NBAS: variants seen among roughly 807,000 people sequenced by gnomAD.
The protein encoded by NBAS is NBAS subunit of NRZ tethering complex, also known as NAG/BC035112 fusion.
NBAS carries 219 observed loss-of-function variants against 302.5 expected under a neutral mutation model. The ratio of observed to expected loss-of-function variants is 0.72; its 90% CI spans 0.65 to 0.81. The LOEUF (loss-of-function observed/expected upper bound fraction) is 0.81, where lower values mean the gene tolerates loss of function less well. Ranked by LOEUF, NBAS falls within the 30% of genes least tolerant of loss-of-function variation. NBAS has a pLI of 0.00. For synonymous variants in NBAS, 1,118 were observed against 1,021.6 expected, an observed-to-expected ratio of 1.09 and a Z score of -1.80; for missense variants, 2,932 against 2,841.6, an observed-to-expected ratio of 1.03 and a Z score of -0.72.
Position 15,511,278 on chromosome 2 carries a change from G to C in NBAS, c.819C>G (p.Ala273=), listed in dbSNP as rs1158648757. Reference sequence around the variant, plus strand: ...ACGGTGATCCTGAAAGAACTCTCCAGGCAGAAAGGCCACAGCTAGAAGCTT... The same window carrying C: ...ACGGTGATCCTGAAAGAACTCTCCACGCAGAAAGGCCACAGCTAGAAGCTT... ...MSKASSCGLS[A]WRVLSGSPYY... The change falls in exon 10 of 52, where the codon GCC becomes GCG. Residue 273 remains alanine, a synonymous_variant. Coordinates refer to ENST00000281513, the MANE Select transcript of NBAS (RefSeq NM_015909.4). 2 of 1,613,902 alleles carry C rather than the reference G, an allele frequency of 1.2e-6. No individual in the cohort carries two copies. The highest frequency in any genetic ancestry group is 1.3e-5 in the African/African-American group (1 of 74,902).
chr2:14,905,256 A>G, the NBAS span, among the ~76,000 whole-genome samples: 9 of 152,336 alleles, frequency 5.9e-5, no homozygotes, highest in African/African-American at 2.2e-4. Context: ...AATCAAGTTG[A>G]CATCTAATAT....
At chr2:14,787,621 C>A in the NBAS span, among the ~76,000 whole-genome samples, 31 of 152,278 alleles carry the variant, frequency 2.0e-4, 1 homozygote, top group African/African-American at 6.3e-4. Flanking sequence ...GTTGAAAATT[C>A]TTTTCTTTAT....
At chr2:14,882,751 G>A in the NBAS span, among the ~76,000 whole-genome samples, 1 of 152,196 alleles carries the variant, frequency 6.6e-6, no homozygotes, top group Admixed American at 6.5e-5. Context: ...AGAAGTTGAT[G>A]GGAAAGAGTT....
At chr2:15,014,612 T>C in the NBAS span, among the ~76,000 whole-genome samples, 2 of 151,882 alleles carry the variant, frequency 1.3e-5, no homozygotes, top group Non-Finnish European at 2.9e-5. Context: ...CGAAAACCTA[T>C]GGGACACAGC....
In NBAS at chr2:15,287,156, A is replaced by C; in HGVS notation, c.5055T>G (p.Ile1685Met). 1 of 1,613,990 alleles carries C rather than the reference A, an allele frequency of 6.2e-7. No individual in the cohort carries two copies. The change falls in exon 42 of 52, where the codon ATT becomes ATG. Residue 1685 changes from isoleucine (I) to methionine (M), a missense_variant. Physicochemically the swap from Ile to Met is conservative, Grantham distance 10 (BLOSUM62 1). Transcript: ENST00000281513. ...TGTAACGTTGTGCCAGAGAAATAGC[A>C]ATGCTGTAGACGCTTTCCTCTAGAG... is the stretch of plus-strand genomic sequence containing the variant. ...AETLEESVYSIAISLAQRYSV... is the reference protein window; with the variant it reads ...AETLEESVYSMAISLAQRYSV...
At chr2:14,975,728 A>G in the NBAS span, among the ~76,000 whole-genome samples, 6 of 152,116 alleles carry the variant, frequency 3.9e-5, no homozygotes, top group Non-Finnish European at 8.8e-5. Flanking sequence ...GATAATTTGT[A>G]CTACAAGATG....
chr2:14,830,962 G>A, the NBAS span, among the ~76,000 whole-genome samples: 1 of 152,154 alleles, frequency 6.6e-6, no homozygotes, highest in Admixed American at 6.5e-5. Flanking sequence ...GAGCTGGGAA[G>A]TGAGGCTCAT....
Position 15,534,115 on chromosome 2 carries a change from G to A in NBAS, c.746+428C>T, listed in dbSNP as rs550692129. 4.6e-5 allele frequency among the ~76,000 whole-genome samples: 7 copies of A among 152,300 alleles called. No individual in the cohort carries two copies. The South Asian group carries it at 1.5e-3, about 32-fold the overall frequency. The stretch of plus-strand genomic sequence containing the variant: ...TGGCATATGTGAATGATGGGACACA[G>A]TTGCTGGAAGGAACTGTGCAACATC... On this transcript the variant is annotated intron_variant, in intron 9 of 51. Transcript: ENST00000281513.
chr2:15,173,224 C>T (rs888094048), intron 51 of NBAS, among the ~76,000 whole-genome samples: 2 of 152,158 alleles, frequency 1.3e-5, no homozygotes, highest in African/African-American at 4.8e-5. Flanking sequence ...AAGCACAAAG[C>T]ACTGCTGTCT....
At chr2:15,320,461 T>C (rs182745914) in intron 38 of NBAS, among the ~76,000 whole-genome samples, 21 of 152,252 alleles carry the variant, frequency 1.4e-4, no homozygotes, top group East Asian at 5.8e-4. Context: ...TCAAATTGTC[T>C]CTGTTTGCAG....
the NBAS span, among the ~76,000 whole-genome samples, chr2:14,997,091 G>T: frequency 6.6e-6 from 1 of 151,914 alleles, no homozygotes; most frequent in Admixed American, 6.6e-5. Flanking sequence ...CTAAATTATC[G>T]GAGCTCCATG....
intron 45 of NBAS, among the ~76,000 whole-genome samples, chr2:15,235,026 A>G (rs1667532207): frequency 6.6e-6 from 1 of 152,190 alleles, no homozygotes; most frequent in African/African-American, 2.4e-5. Context: ...TCGTGTGAAT[A>G]GAGGGTGTTG....
chr2:14,907,770 G>A, the NBAS span: 1 of 152,342 alleles, frequency 6.6e-6, no homozygotes, highest in East Asian at 1.9e-4. Context: ...CATTCACCTT[G>A]CTTGTAGCTG....
At chr2:14,997,282 G>GT in the NBAS span, among the ~76,000 whole-genome samples, 902 of 152,178 alleles carry the variant, frequency 5.9e-3, 10 homozygotes, top group African/African-American at 0.02. Context: ...GTTTACTTAT[G>GT]TAAAAAACCT....
chr2:15,448,965 T>C (rs556006022), intron 21 of NBAS, among the ~76,000 whole-genome samples: 1 of 152,312 alleles, frequency 6.6e-6, no homozygotes, highest in South Asian at 2.1e-4. Flanking sequence ...TTACGATCTA[T>C]GTAAGAAGCA....
At chr2:15,154,388 C>A in the NBAS span, among the ~76,000 whole-genome samples, 3 of 152,116 alleles carry the variant, frequency 2.0e-5, no homozygotes, top group Admixed American at 6.5e-5. Flanking sequence ...GTTTTCCCCT[C>A]GGTTTCATAG....
At chr2:15,302,064 C>T (rs551093513) in intron 40 of NBAS, among the ~76,000 whole-genome samples, 35 of 152,110 alleles carry the variant, frequency 2.3e-4, no homozygotes, top group Non-Finnish European at 5.1e-4. Flanking sequence ...ACGAGGCTGT[C>T]GCAGGACGTT....
At chr2:14,917,698 C>G in the NBAS span, among the ~76,000 whole-genome samples, 1 of 152,208 alleles carries the variant, frequency 6.6e-6, no homozygotes, top group Non-Finnish European at 1.5e-5. Flanking sequence ...CATTCACATG[C>G]CCTGAGGCAT....
At chr2:15,450,158 AT>A (rs1174160034) in intron 21 of NBAS, among the ~76,000 whole-genome samples, 3 of 152,222 alleles carry the variant, frequency 2.0e-5, no homozygotes, top group Admixed American at 1.3e-4. Flanking sequence ...ACAAAAAGAA[AT>A]AACAGGACTA....
Sources: allele counts gnomAD v4.1 joint callset (sites outside exome capture counted in the v4.1 genomes callset), GRCh38; gene constraint gnomAD v4.1.1; transcripts MANE v1.5; gene names NCBI Gene and HGNC (gene_info 2026-07-23, HGNC 2026-07-21).